Variants in IRS4 observed in about 807,000 individuals in gnomAD.
IRS4 encodes the protein 160 kDa phosphotyrosine protein.
A neutral mutation model predicts 48.6 loss-of-function variants in IRS4; 15 were observed. The observed-to-expected ratio is 0.31, with a 90% CI of 0.21 to 0.48. The LOEUF (loss-of-function observed/expected upper bound fraction) is 0.48. Ranked by LOEUF, IRS4 falls within the 20% of genes least tolerant of loss-of-function variation. IRS4 has a pLI of 0.99. For missense variants in IRS4, 987 were observed against 1,023.4 expected (o/e 0.96, Z 0.49); for synonymous variants, 459 against 413.2 (o/e 1.11, Z -1.34).
In IRS4 at chrX:108,733,349, G is replaced by C; in HGVS notation, c.2996C>G (p.Pro999Arg). The C allele has an allele frequency of 8.3e-7, 1 of 1,211,936 alleles. No homozygotes were observed. The highest frequency in any genetic ancestry group is 1.1e-6 in the Non-Finnish European group (1 of 895,544). Residue 999 changes from proline to arginine, a missense_variant, in exon 1 of 2, where the codon CCC becomes CGC. Around this residue, in one of 4 missense-constraint regions of IRS4, gnomAD observed 720 missense variants for 660.3 expected, o/e 1.09. Transcript: ENST00000372129. ...SLDSARWPLP[P>R]LPLSATGSNA... ...GCTACCTGTAGCACTGAGGGGAAGG[G>C]GAGGAAGTGGCCACCTAGCACTGTC...
intron 1 of IRS4, chrX:108,726,628 T>C (rs1159662350): frequency 2.7e-5 from 3 of 112,102 alleles, no homozygotes; most frequent in East Asian, 5.6e-4. Flanking sequence ...TCAAGATTAA[T>C]TGTGAGATGG....
At position 108,733,822 on chromosome X, in the gene IRS4, T is replaced by A. The variant is rs764037038; in HGVS notation, c.2523A>T (p.Leu841=). The A allele has an allele frequency of 9.1e-6, 11 of 1,209,638 alleles. No individual in the cohort carries two copies. Among genetic ancestry groups the A allele is most frequent in the Non-Finnish European group, 1.2e-5 (11 of 895,196 alleles). The change falls in exon 1 of 2, where the codon CTA becomes CTT. Residue 841 remains leucine, a synonymous_variant. Coordinates refer to ENST00000372129, the MANE Select transcript of IRS4 (RefSeq NM_001379150.1). ...CCCAGTTATAGGAGACTTCTTTGTC[T>A]AGGCCCCTCCCCAGGAACTTTCCAG... ...MLPGKFLGRG[L]DKEVSYNWDP... is the part of the protein sequence containing the mutation.
At chrX:108,730,446 C>T (rs2068896466) in intron 1 of IRS4, among the ~76,000 whole-genome samples, 1 of 109,567 alleles carries the variant, frequency 9.1e-6, no homozygotes, top group African/African-American at 3.3e-5. Context: ...TTTAAACTGC[C>T]GAAATTTCAC....
Position 108,732,871 on chromosome X carries a change from GGCGGA to G in IRS4, c.3469_3473del (p.Ser1157LeufsTer10). On this transcript the variant is annotated frameshift_variant, in exon 1 of 2. Coordinates refer to ENST00000372129, the MANE Select transcript of IRS4 (RefSeq NM_001379150.1). LOFTEE classifies it high-confidence loss of function. ...CAACAGGTTGAAACCAGCGGGCAGA[GGCGGA>G]GTCAAATCCAGCAGCTGCGGCTGCT... 1 of 1,169,410 alleles carries G rather than the reference GGCGGA, an allele frequency of 8.6e-7. No homozygotes were observed.
In IRS4 at chrX:108,735,280, C is replaced by G. The variant is rs1472361349; in HGVS notation, c.1065G>C (p.Leu355=). Residue 355 remains leucine (L), a synonymous_variant, in exon 1 of 2, where the codon CTG becomes CTC. Transcript: ENST00000372129. ...ISIGAHLLTL[L]SARRHLGLVP... ...CCAAGCCCAGGTGCCTCCTAGCGGA[C>G]AGCAGGGTTAACAGGTGGGCGCCGA... 6 of 1,209,772 alleles carry G rather than the reference C, an allele frequency of 5.0e-6. No individual in the cohort carries two copies. The highest frequency in any genetic ancestry group is 6.7e-6 in the Non-Finnish European group (6 of 895,235).
Position 108,734,064 on chromosome X carries a change from C to T in IRS4, c.2281G>A (p.Ala761Thr). The T allele has an allele frequency of 1.7e-6, 2 of 1,211,654 alleles. No homozygotes were observed. Among genetic ancestry groups the T allele is most frequent in the East Asian group, 3.0e-5 (1 of 33,853 alleles). ...SPPPAPSPPKAPDTNKEDDSK... is the reference protein window; with the variant it reads ...SPPPAPSPPKTPDTNKEDDSK... ...TCATCCTCTTTATTAGTATCAGGTGCTTTTGGAGGACTCGGAGCAGGTGGT... is the reference window on the plus strand; with the variant it reads ...TCATCCTCTTTATTAGTATCAGGTGTTTTTGGAGGACTCGGAGCAGGTGGT... The change falls in exon 1 of 2, where the codon GCA (alanine) becomes ACA (threonine). Residue 761 changes from alanine (A) to threonine (T), a missense_variant. This residue lies in a region of IRS4 where 720 missense variants were observed against 660.3 expected (regional missense o/e 1.09). Coordinates refer to ENST00000372129, the MANE Select transcript of IRS4 (RefSeq NM_001379150.1).
chrX:108,723,558 T>A (rs2068863261), intron 1 of IRS4: 1 of 111,883 alleles, frequency 8.9e-6, no homozygotes, highest in Non-Finnish European at 1.9e-5. Flanking sequence ...TAAGATTCAA[T>A]GTATAGGTTT....
intron 1 of IRS4, among the ~76,000 whole-genome samples, chrX:108,727,223 T>C (rs1052636157): frequency 1.8e-5 from 2 of 112,349 alleles, no homozygotes; most frequent in African/African-American, 6.5e-5. Context: ...TTTTCCATTC[T>C]AAAAGAAATT....
At chrX:108,729,817 T>C (rs2068890795) in intron 1 of IRS4, among the ~76,000 whole-genome samples, 1 of 112,009 alleles carries the variant, frequency 8.9e-6, no homozygotes, top group South Asian at 3.7e-4. Context: ...ACATGCCAAC[T>C]GAACAATAAT....
chrX:108,729,988 AGGC>A (rs2068891843), intron 1 of IRS4, among the ~76,000 whole-genome samples: 1 of 112,103 alleles, frequency 8.9e-6, no homozygotes, highest in African/African-American at 3.2e-5. Context: ...ACTATATGCC[AGGC>A]ACTGTTCTAA....
At chrX:108,726,935 T>G (rs1322705420) in intron 1 of IRS4, 2 of 112,164 alleles carry the variant, frequency 1.8e-5, no homozygotes, top group Non-Finnish European at 3.8e-5. Context: ...GCAAGCTAAG[T>G]GCAAGAAGGC....
chrX:108,725,108 T>G (rs956567782), intron 1 of IRS4, among the ~76,000 whole-genome samples: 2 of 111,391 alleles, frequency 1.8e-5, no homozygotes, highest in African/African-American at 6.5e-5. Flanking sequence ...GACTTCAATA[T>G]CCCTGGAAAT....
Position 108,736,513 on chromosome X carries a change from G to T in IRS4, c.-169C>A. On this transcript the variant is annotated 5_prime_UTR_variant, in exon 1 of 2. Coordinates refer to ENST00000372129, the MANE Select transcript of IRS4 (RefSeq NM_001379150.1). ...CGCACGACAGCGGGCAAAACAACACGTGACCACAGCCTCACGCGGCGGCCG... is the reference window on the plus strand; with the variant it reads ...CGCACGACAGCGGGCAAAACAACACTTGACCACAGCCTCACGCGGCGGCCG... The T allele has an allele frequency of 1.2e-6, 1 of 830,927 alleles. No individual in the cohort carries two copies. Among genetic ancestry groups the T allele is most frequent in the Non-Finnish European group, 1.7e-6 (1 of 590,178 alleles). The allele number at this position is 830,927 out of a possible 1,213,427, so 68.5% of individuals were successfully genotyped here.
Position 108,720,273 on chromosome X carries a change from T to C in IRS4, c.*2246A>G, listed in dbSNP as rs762565952. ...CACACAAAAATATTCCATCATTGTT[T>C]TTTCTTAGCAGCATGAACTGATAGC... On this transcript the variant is annotated 3_prime_UTR_variant, in exon 2 of 2. Transcript: ENST00000372129. The C allele has an allele frequency of 8.9e-5, 10 of 112,495 alleles. No homozygotes were observed. The highest frequency in any genetic ancestry group is 1.9e-4 in the Non-Finnish European group (10 of 53,309). 9.3% of individuals were successfully genotyped at this position (112,495 alleles called of 1,213,427 possible).
At chrX:108,728,222 C>T (rs1358012778) in intron 1 of IRS4, among the ~76,000 whole-genome samples, 5 of 111,868 alleles carry the variant, frequency 4.5e-5, no homozygotes, top group African/African-American at 1.6e-4. Flanking sequence ...ACATTCAATT[C>T]CAGCACAAGT....
intron 1 of IRS4, among the ~76,000 whole-genome samples, chrX:108,727,708 G>A (rs979198103): frequency 4.5e-5 from 5 of 111,791 alleles, no homozygotes; most frequent in African/African-American, 6.5e-5. Context: ...CCAATAAAAC[G>A]TCTGGGCTAT....
intron 1 of IRS4, among the ~76,000 whole-genome samples, chrX:108,728,024 A>G (rs1261346332): frequency 2.7e-5 from 3 of 112,682 alleles, no homozygotes; most frequent in Non-Finnish European, 5.6e-5. Flanking sequence ...CCAAATGTCA[A>G]TGAATTATTA....
Position 108,734,909 on chromosome X carries a change from T to A in IRS4, c.1436A>T (p.Asp479Val), listed in dbSNP as rs1234122947. The A allele has an allele frequency of 6.6e-6, 8 of 1,211,996 alleles. No homozygotes were observed. The South Asian group carries it at 1.2e-4, about 19-fold the overall frequency. ...GEEGNPQGKE[D>V]QEGSGGDYMP... is the part of the protein sequence containing the mutation. The stretch of plus-strand genomic sequence containing the variant: ...GTAGTCACCTCCGCTTCCTTCCTGA[T>A]CTTCTTTGCCCTGGGGATTGCCTTC... Residue 479 changes from aspartate (D) to valine (V), a missense_variant, in exon 1 of 2, where the codon GAT becomes GTT. Asp to Val is a radical substitution (Grantham distance 152, BLOSUM62 -3). Transcript: ENST00000372129.
chrX:108,722,254 G>C lies in IRS4; in HGVS notation c.*265C>G, dbSNP rs2068858603. On this transcript the variant is annotated 3_prime_UTR_variant, in exon 2 of 2. Coordinates refer to ENST00000372129, the MANE Select transcript of IRS4 (RefSeq NM_001379150.1). ...TGTTTCCTTTCAAAGGGACAGACTGGGGAGGAAAACCAGAAAACAAAAAAC... is the reference window on the plus strand; with the variant it reads ...TGTTTCCTTTCAAAGGGACAGACTGCGGAGGAAAACCAGAAAACAAAAAAC... The C allele has an allele frequency of 6.4e-6, 1 of 155,202 alleles. No individual in the cohort carries two copies. Among genetic ancestry groups the C allele is most frequent in the Non-Finnish European group, 1.3e-5 (1 of 78,561 alleles). 12.8% of individuals were successfully genotyped at this position (155,202 alleles called of 1,213,427 possible). A position where few individuals can be genotyped will look rare whatever the true frequency, so the allele number is the denominator to read the frequency against.
Sources: gnomAD v4.1 joint callset for allele counts (sites outside exome capture counted in the v4.1 genomes callset) on GRCh38, gnomAD v4.1.1 for gene constraint, gnomAD v4.1.1 regional missense constraint, MANE v1.5 for transcripts, NCBI Gene and HGNC (gene_info 2026-07-23, HGNC 2026-07-21) for gene names.